Variants in ABLIM2 observed in about 807,000 individuals in gnomAD.
ABLIM2 encodes the protein actin-binding LIM protein 2.
Under a neutral mutation model 97.7 loss-of-function variants are expected in ABLIM2, and 53 were observed. The ratio of observed to expected loss-of-function variants is 0.54; its 90% CI spans 0.44 to 0.68. The LOEUF (loss-of-function observed/expected upper bound fraction) is 0.68, where lower values mean the gene tolerates loss of function less well. Among genes scored for constraint, ABLIM2 ranks in the 30% least tolerant of loss-of-function variants. ABLIM2 has a pLI of 0.00. For missense variants in ABLIM2, 835 were observed against 867.2 expected, an observed-to-expected ratio of 0.96 and a Z score of 0.47; for synonymous variants, 361 against 345.8, an observed-to-expected ratio of 1.04 and a Z score of -0.49.
At chr4:8,080,974 C>A (rs1481192915) in intron 4 of ABLIM2, among the ~76,000 whole-genome samples, 172 bp from the exon 5 acceptor site, 1 of 152,158 alleles carries the variant, frequency 6.6e-6, no homozygotes, top group Non-Finnish European at 1.5e-5. Context: ...GTCTCTGGAG[C>A]ATAGGGAAGG....
chr4:8,085,552 C>T lies in ABLIM2; in HGVS notation c.454+2617G>A, dbSNP rs1424480070. On this transcript the variant is annotated intron_variant, in intron 4 of 20. Coordinates refer to ENST00000447017, the MANE Select transcript of ABLIM2 (RefSeq NM_001130083.2). This position sits in a 1 kb window ranked among gnomAD's most constrained non-coding sequence, Gnocchi z 6.1. ...TGCCCACGCTGCAGCCCCGTCCACTCACATGGCTCTGGGGGTGCCCACGCT... is the reference window on the plus strand; with the variant it reads ...TGCCCACGCTGCAGCCCCGTCCACTTACATGGCTCTGGGGGTGCCCACGCT... Among the ~76,000 whole-genome samples, 1 of 149,620 alleles carries T rather than the reference C, an allele frequency of 6.7e-6. No individual in the cohort carries two copies. The highest frequency in any genetic ancestry group is 1.5e-5 in the Non-Finnish European group (1 of 67,540).
At chr4:7,989,575 C>T (rs893023946) in intron 17 of ABLIM2, 3 of 336,248 alleles carry the variant, frequency 8.9e-6, no homozygotes, top group Admixed American at 1.3e-4. Context: ...TTAATCTTAA[C>T]TTTCACCCTA....
intron 4 of ABLIM2, among the ~76,000 whole-genome samples, chr4:8,084,909 G>A (rs1472551612): frequency 2.0e-5 from 3 of 152,218 alleles, no homozygotes; most frequent in Non-Finnish European, 2.9e-5. Context: ...TCGGCACGGC[G>A]CTCGCACTCT....
chr4:8,142,844 G>A (rs1213250607), intron 1 of ABLIM2, among the ~76,000 whole-genome samples: 1 of 152,184 alleles, frequency 6.6e-6, no homozygotes, highest in East Asian at 1.9e-4. Flanking sequence ...TCTGGTCAAC[G>A]AGCCCTCAAT....
rs1812238735 is a variant in ABLIM2, at chr4:8,071,688, C to T, written c.675+5940G>A. 8.4e-6 allele frequency: 8 copies of T among 957,932 alleles called. No individual in the cohort carries two copies. Among genetic ancestry groups the T allele is most frequent in the Non-Finnish European group, 7.5e-6 (6 of 804,672 alleles). The allele number at this position is 957,932 out of a possible 1,614,324, so 59.3% of individuals were successfully genotyped here. A position where few individuals can be genotyped will look rare whatever the true frequency, so the allele number is the denominator to read the frequency against. On this transcript the variant is annotated intron_variant, in intron 6 of 20. Transcript: ENST00000447017. The surrounding 1 kb of genome is among the most constrained non-coding windows in gnomAD (Gnocchi z 6.2). ...GTCTCACACCTGACTGCTCTGTCCC[C>T]AAAAACCCACCCACCCGCAGCCCCT...
At position 7,998,981 on chromosome 4, in the gene ABLIM2, G is replaced by T. The variant is rs987344730; in HGVS notation, c.1619-6054C>A. ...GACTGCTGTCTGGACTCCTGAAGTT[G>T]GTCTCTGTTGGGGTGGACCAGCAAT... is the stretch of plus-strand genomic sequence containing the variant. On this transcript the variant is annotated intron_variant, in intron 16 of 20. Coordinates refer to ENST00000447017, the MANE Select transcript of ABLIM2 (RefSeq NM_001130083.2). This position sits in a 1 kb window ranked among gnomAD's most constrained non-coding sequence, Gnocchi z 6.4. 6.6e-6 allele frequency among the ~76,000 whole-genome samples: 1 copy of T among 152,228 alleles called. No homozygotes were observed. Among genetic ancestry groups the T allele is most frequent in the African/African-American group, 2.4e-5 (1 of 41,462 alleles).
At chr4:7,989,089 T>C (rs1474683410) in intron 17 of ABLIM2, among the ~76,000 whole-genome samples, 1 of 148,552 alleles carries the variant, frequency 6.7e-6, no homozygotes, top group African/African-American at 2.5e-5. Flanking sequence ...TTTTTTTTTT[T>C]TTTTTTGAGA....
At chr4:7,973,075 C>CTGTGTGTGTGTGTGTGTGTGTGTG (rs71175444) in intron 20 of ABLIM2, among the ~76,000 whole-genome samples, 1,723 of 123,962 alleles carry the variant, frequency 0.014, 89 homozygotes, top group Non-Finnish European at 0.017. Context: ...GCTCCCCTTG[C>CTGTGTGTGTGTGTGTGTGTGTGTG]TGTGTGTGTG....
At chr4:8,114,732 A>G (rs1842068132) in intron 1 of ABLIM2, among the ~76,000 whole-genome samples, 1 of 152,132 alleles carries the variant, frequency 6.6e-6, no homozygotes, top group Non-Finnish European at 1.5e-5. Context: ...CCATTAAGCA[A>G]AGATGCACTG....
In ABLIM2 at chr4:7,966,296, A is replaced by G. The variant is rs969094705; in HGVS notation, c.*694T>C. On this transcript the variant is annotated 3_prime_UTR_variant, in exon 21 of 21. Coordinates refer to ENST00000447017, the MANE Select transcript of ABLIM2 (RefSeq NM_001130083.2). ...ATGTCATCTCGCGTTTAAGTAGGCT[A>G]TACTTTTTAATAAAATAAAAACTTC... 1.5e-4 allele frequency: 23 copies of G among 152,790 alleles called. No homozygotes were observed. The highest frequency in any genetic ancestry group is 5.3e-4 in the African/African-American group (22 of 41,592). The allele number at this position is 152,790 out of a possible 1,614,324, so 9.5% of individuals were successfully genotyped here. A position where few individuals can be genotyped will look rare whatever the true frequency, so the allele number is the denominator to read the frequency against.
chr4:8,007,039 G>A (rs1761908757), intron 16 of ABLIM2: 1 of 985,312 alleles, frequency 1.0e-6, no homozygotes, highest in Non-Finnish European at 1.2e-6. Flanking sequence ...TTTGTTTAAA[G>A]TGATTCTTTA....
chr4:8,089,461 G>A (rs1245155697), intron 3 of ABLIM2, among the ~76,000 whole-genome samples: 4 of 152,132 alleles, frequency 2.6e-5, no homozygotes, highest in East Asian at 3.8e-4. Context: ...GTGGCCAGGC[G>A]CAGTGGCTCA....
chr4:8,031,062 G>T (rs1348503209), intron 10 of ABLIM2, among the ~76,000 whole-genome samples: 1 of 152,246 alleles, frequency 6.6e-6, no homozygotes, highest in Admixed American at 6.5e-5. Context: ...AAGCTGTCAG[G>T]ACCTGGGGAG....
At chr4:8,065,998 G>A (rs1277957473) in intron 6 of ABLIM2, among the ~76,000 whole-genome samples, 2 of 136,812 alleles carry the variant, frequency 1.5e-5, no homozygotes, top group East Asian at 4.8e-4. Flanking sequence ...GGGGAGGGGA[G>A]GGAGAAAGGA....
intron 1 of ABLIM2, among the ~76,000 whole-genome samples, chr4:8,153,987 C>T (rs1440630926): frequency 2.6e-5 from 3 of 117,498 alleles, no homozygotes; most frequent in African/African-American, 9.5e-5. Flanking sequence ...TTTTGAGATA[C>T]AGTCTCACTC....
intron 17 of ABLIM2, among the ~76,000 whole-genome samples, chr4:7,985,994 C>T (rs1743649970): frequency 6.6e-6 from 1 of 152,226 alleles, no homozygotes; most frequent in Non-Finnish European, 1.5e-5. Context: ...CACTATGAGC[C>T]CTGAGCCATG....
intron 14 of ABLIM2, among the ~76,000 whole-genome samples, chr4:8,017,296 TTATTA>T (rs1243574419): frequency 1.3e-5 from 2 of 149,936 alleles, no homozygotes; most frequent in African/African-American, 4.9e-5. Context: ...ATTATTATTA[TTATTA>T]TTTTTTTTTT....
At chr4:8,009,921 C>T (rs1763854655) in intron 14 of ABLIM2, among the ~76,000 whole-genome samples, 1 of 152,164 alleles carries the variant, frequency 6.6e-6, no homozygotes, top group Non-Finnish European at 1.5e-5. Flanking sequence ...GCGGTAGGGG[C>T]CAACATGAGC....
At chr4:8,030,788 G>A (rs1446303004) in intron 10 of ABLIM2, among the ~76,000 whole-genome samples, 1 of 152,230 alleles carries the variant, frequency 6.6e-6, no homozygotes, top group Non-Finnish European at 1.5e-5. Context: ...CTTGGACTCA[G>A]GGCTTCCAGC....
Sources: allele counts gnomAD v4.1 joint callset (sites outside exome capture counted in the v4.1 genomes callset), GRCh38; gene constraint gnomAD v4.1.1; non-coding constraint Gnocchi (gnomAD v3.1); transcripts MANE v1.5; gene names NCBI Gene and HGNC (gene_info 2026-07-23, HGNC 2026-07-21).